Variants in SLC4A4 observed in about 807,000 individuals in gnomAD.
SLC4A4 encodes solute carrier family 4 member 4.
SLC4A4 carries 27 observed loss-of-function variants against 111.5 expected under a neutral mutation model. That is an observed-to-expected ratio of 0.24 (90% CI 0.18 to 0.33). SLC4A4 has a LOEUF of 0.33. Ranked by LOEUF, SLC4A4 falls within the 10% of genes least tolerant of loss-of-function variation. SLC4A4 has a pLI of 1.00. For synonymous variants in SLC4A4, 443 were observed against 463.4 expected (o/e 0.96, Z 0.57); for missense variants, 909 against 1,315.5 (o/e 0.69, Z 4.78).
Position 71,283,496 on chromosome 4 carries a change from T to TAGGGTGTGAAGGCC in SLC4A4, c.253+28099_253+28112dup, listed in dbSNP as rs1402601872. Among the ~76,000 whole-genome samples, 6 of 152,270 alleles carry TAGGGTGTGAAGGCC rather than the reference T, an allele frequency of 3.9e-5. No individual in the cohort carries two copies. The East Asian group carries it at 9.7e-4, about 25-fold the overall frequency. The stretch of plus-strand genomic sequence containing the variant: ...GGAAGCCAACAGAATCTTGGCAGGA[T>TAGGGTGTGAAGGCC]AGGGTGTGAAGGCCACTCTTCTCTA... On this transcript the variant is annotated intron_variant, in intron 3 of 25. Transcript: ENST00000264485.
At chr4:71,257,372 C>G (rs1164401446) in intron 3 of SLC4A4, among the ~76,000 whole-genome samples, 1 of 152,162 alleles carries the variant, frequency 6.6e-6, no homozygotes, top group Non-Finnish European at 1.5e-5. Context: ...CAATGTTATA[C>G]ACTAATATGC....
At chr4:71,339,177 C>G in intron 3 of SLC4A4, 193 bp from the exon 4 acceptor site, 1 of 1,613,706 alleles carries the variant, frequency 6.2e-7, no homozygotes, top group Non-Finnish European at 8.5e-7. Context: ...CAGTTCAGAA[C>G]CAAAGGAATA....
At chr4:71,168,956 T>G (rs531590964) in intron 2 of SLC4A4, among the ~76,000 whole-genome samples, 65 of 152,260 alleles carry the variant, frequency 4.3e-4, no homozygotes, top group African/African-American at 8.7e-4. Flanking sequence ...TTCCTTTTTT[T>G]GGGGGGTATA....
At chr4:71,116,257 T>C (rs919891518) in intron 2 of SLC4A4, among the ~76,000 whole-genome samples, 3 of 152,232 alleles carry the variant, frequency 2.0e-5, no homozygotes, top group Non-Finnish European at 2.9e-5. Flanking sequence ...GATTAACTCA[T>C]GTATATTTAG....
chr4:71,284,930 C>T (rs1311285304), intron 3 of SLC4A4, among the ~76,000 whole-genome samples: 1 of 152,164 alleles, frequency 6.6e-6, no homozygotes, highest in South Asian at 2.1e-4. Context: ...CTGGTGCCCT[C>T]AATGGGGAAT....
chr4:71,172,682 A>C (rs1744978172), intron 2 of SLC4A4, among the ~76,000 whole-genome samples: 2 of 152,234 alleles, frequency 1.3e-5, no homozygotes, highest in South Asian at 4.1e-4. Flanking sequence ...TCTGAGTAAA[A>C]TGTTAGTTTT....
chr4:71,224,572 A>G (rs902067272), intron 1 of SLC4A4, among the ~76,000 whole-genome samples: 1 of 152,188 alleles, frequency 6.6e-6, no homozygotes, highest in Non-Finnish European at 1.5e-5. Context: ...TGAGCTAATA[A>G]TATTTGTAAA....
Position 71,567,957 on chromosome 4 carries a change from G to A in SLC4A4, c.*206G>A, listed in dbSNP as rs549182627. On this transcript the variant is annotated 3_prime_UTR_variant, in exon 26 of 26. Transcript: ENST00000264485. ...GTCATTTGTTTTTGTTTGGCTGTTT[G>A]TTTATTTTTTAACTTTTATTTCGTC... 5.9e-6 allele frequency: 6 copies of A among 1,020,972 alleles called. No individual in the cohort carries two copies. In the South Asian group the frequency reaches 9.1e-5, roughly 15 times the overall value. 63.2% of individuals were successfully genotyped at this position (1,020,972 alleles called of 1,614,324 possible). A position where few individuals can be genotyped will look rare whatever the true frequency, so the allele number is the denominator to read the frequency against.
intron 3 of SLC4A4, among the ~76,000 whole-genome samples, chr4:71,274,528 C>T (rs932125376): frequency 2.0e-5 from 3 of 152,166 alleles, no homozygotes; most frequent in East Asian, 1.9e-4. Flanking sequence ...ACACAACATT[C>T]CTAAGTAATT....
chr4:71,209,318 C>T (rs1399092663), intron 1 of SLC4A4, among the ~76,000 whole-genome samples: 1 of 152,146 alleles, frequency 6.6e-6, no homozygotes, highest in Non-Finnish European at 1.5e-5. Flanking sequence ...AGCAGCAGGG[C>T]ACATTCCTCC....
Position 71,472,943 on chromosome 4 carries a change from T to A in SLC4A4, c.1876T>A (p.Ser626Thr). 2 of 1,612,994 alleles carry A rather than the reference T, an allele frequency of 1.2e-6. No individual in the cohort carries two copies. Among genetic ancestry groups the A allele is most frequent in the Non-Finnish European group, 1.7e-6 (2 of 1,179,364 alleles). Residue 626 changes from serine to threonine, a missense_variant, in exon 14 of 26, where the codon TCC (serine) becomes ACC (threonine). By Grantham distance (58) the Ser-to-Thr change is moderately conservative. Around this residue, in one of 7 missense-constraint regions of SLC4A4, gnomAD observed 264 missense variants for 356.8 expected, o/e 0.74. Transcript: ENST00000264485. ...CAAAGTGGGCTACAACACTCTCTTT[T>A]CCTGTACCTGTGTGCCACCTGACCC... is the stretch of plus-strand genomic sequence containing the variant. ...NFKVGYNTLFSCTCVPPDPAN... is the reference protein window; with the variant it reads ...NFKVGYNTLFTCTCVPPDPAN...
intron 1 of SLC4A4, among the ~76,000 whole-genome samples, chr4:71,210,638 T>G (rs2149011626): frequency 6.6e-6 from 1 of 152,344 alleles, no homozygotes; most frequent in South Asian, 2.1e-4. Flanking sequence ...TTAACACAAC[T>G]AAGGAGAAGG....
At chr4:71,347,870 T>C (rs1729466467) in intron 4 of SLC4A4, among the ~76,000 whole-genome samples, 1 of 152,116 alleles carries the variant, frequency 6.6e-6, no homozygotes. Flanking sequence ...CCAAATATTC[T>C]ATCCCTCAGA....
At chr4:71,508,320 A>G (rs1009997565) in intron 16 of SLC4A4, among the ~76,000 whole-genome samples, 2 of 152,134 alleles carry the variant, frequency 1.3e-5, no homozygotes, top group Non-Finnish European at 2.9e-5. Flanking sequence ...AAAAATTAAT[A>G]AAATACATAG....
At chr4:71,177,152 C>T (rs1002414563) in intron 2 of SLC4A4, among the ~76,000 whole-genome samples, 1 of 152,166 alleles carries the variant, frequency 6.6e-6, no homozygotes, top group Non-Finnish European at 1.5e-5. Context: ...ACCACCAGGC[C>T]TGCCCTAAAA....
intron 22 of SLC4A4, among the ~76,000 whole-genome samples, chr4:71,558,266 A>G (rs953035728): frequency 2.6e-5 from 4 of 151,988 alleles, no homozygotes; most frequent in Non-Finnish European, 2.9e-5. Flanking sequence ...AATGTTGTAT[A>G]ATAGAATTAA....
At chr4:71,347,818 C>T (rs1016793096) in intron 4 of SLC4A4, among the ~76,000 whole-genome samples, 2 of 152,078 alleles carry the variant, frequency 1.3e-5, no homozygotes, top group East Asian at 1.9e-4. Context: ...TACAGGGCTT[C>T]TAGCTGCCCT....
intron 3 of SLC4A4, among the ~76,000 whole-genome samples, chr4:71,288,613 G>A (rs1034327257): frequency 6.6e-6 from 1 of 152,020 alleles, no homozygotes; most frequent in Non-Finnish European, 1.5e-5. Flanking sequence ...TGGCCAGGCT[G>A]GTCTTGTACT....
chr4:71,102,141 A>C (rs1428149362), intron 2 of SLC4A4, among the ~76,000 whole-genome samples: 82 of 152,242 alleles, frequency 5.4e-4, no homozygotes, highest in Admixed American at 9.2e-4. Context: ...CCTCAGGAGC[A>C]GATGCGATCA....
Sources: gnomAD v4.1 joint callset for allele counts (sites outside exome capture counted in the v4.1 genomes callset) on GRCh38, gnomAD v4.1.1 for gene constraint, gnomAD v4.1.1 regional missense constraint, MANE v1.5 for transcripts, NCBI Gene and HGNC (gene_info 2026-07-23, HGNC 2026-07-21) for gene names.